The following XIRP2 variants were observed in gnomAD, a reference collection of about 807,000 sequenced individuals.
XIRP2 encodes xin actin binding repeat containing 2.
Under a neutral mutation model 277.0 loss-of-function variants are expected in XIRP2, and 236 were observed. That is an observed-to-expected ratio of 0.85 (90% confidence interval 0.77 to 0.95). XIRP2 has a LOEUF of 0.95. Among genes scored for constraint, XIRP2 ranks in the 40% least tolerant of loss-of-function variants. The pLI, the probability that XIRP2 is intolerant of heterozygous loss-of-function variation, is 0.00. For synonymous variants in XIRP2, 1,490 were observed against 1,416.5 expected (o/e 1.05, Z -1.17); for missense variants, 4,640 against 4,157.5 (o/e 1.12, Z -3.19).
chr2:166,913,301 A>G (rs951805980), intron 2 of XIRP2, among the ~76,000 whole-genome samples: 4 of 111,932 alleles, frequency 3.6e-5, no homozygotes, highest in Non-Finnish European at 7.6e-5. Context: ...AGCCTCAGCA[A>G]TGGTGGGCAC....
intron 3 of XIRP2, among the ~76,000 whole-genome samples, chr2:167,199,224 T>A (rs1693608286): frequency 6.6e-6 from 1 of 152,210 alleles, no homozygotes. Flanking sequence ...CAGATACCTC[T>A]AGTTCCTACA....
At chr2:167,105,505 T>C (rs976832893) in intron 2 of XIRP2, among the ~76,000 whole-genome samples, 18 of 151,940 alleles carry the variant, frequency 1.2e-4, no homozygotes, top group Admixed American at 9.8e-4. Flanking sequence ...TTTATTGCTG[T>C]ATAGTATTCC....
In XIRP2 at chr2:167,251,150, G is replaced by A. The variant is rs1376671365; in HGVS notation, c.9758G>A (p.Arg3253Lys). 9 of 1,613,454 alleles carry A rather than the reference G, an allele frequency of 5.6e-6. No individual in the cohort carries two copies. Among genetic ancestry groups the A allele is most frequent in the Non-Finnish European group, 6.8e-6 (8 of 1,179,728 alleles). Reference sequence around the variant, plus strand: ...AATCATGCTGCTAGTGGTTCCTTCAGAGAATCTGTGGACGCTCAAGAGGAA... The same window carrying A: ...AATCATGCTGCTAGTGGTTCCTTCAAAGAATCTGTGGACGCTCAAGAGGAA... ...NINHAASGSF[R>K]ESVDAQEEIR... The change falls in exon 9 of 11, where the codon AGA (arginine) becomes AAA (lysine). Residue 3253 changes from arginine to lysine, a missense_variant. Coordinates refer to ENST00000409195, the MANE Select transcript of XIRP2 (RefSeq NM_152381.6).
intron 2 of XIRP2, among the ~76,000 whole-genome samples, chr2:167,066,252 C>G (rs532218964): frequency 6.6e-6 from 1 of 152,012 alleles, no homozygotes; most frequent in East Asian, 1.9e-4. Flanking sequence ...CCTTGTTGCT[C>G]TCAACCACCA....
At position 167,168,321 on chromosome 2, in the gene XIRP2, A is replaced by AT. The variant is rs1176023307; in HGVS notation, c.562+32265dup. Among the ~76,000 whole-genome samples the AT allele has an allele frequency of 2.0e-5, 3 of 151,590 alleles. No homozygotes were observed. In the East Asian group the frequency reaches 5.8e-4, roughly 30 times the overall value. On this transcript the variant is annotated intron_variant, in intron 3 of 10. Transcript: ENST00000409195. Reference sequence around the variant, plus strand: ...ACTCTCAGTCATTATTATTTCAAATATTTTTTCTGTTTCTTTCTCTCTATC... The same window carrying AT: ...ACTCTCAGTCATTATTATTTCAAATATTTTTTTCTGTTTCTTTCTCTCTATC...
chr2:167,237,819 G>A (rs950790236), intron 5 of XIRP2, among the ~76,000 whole-genome samples: 2 of 152,142 alleles, frequency 1.3e-5, no homozygotes, highest in African/African-American at 4.8e-5. Context: ...GTGTGCATAA[G>A]AAAGCCATAG....
At chr2:166,911,306 G>T (rs1462844290) in intron 2 of XIRP2, among the ~76,000 whole-genome samples, 1 of 152,144 alleles carries the variant, frequency 6.6e-6, no homozygotes, top group Non-Finnish European at 1.5e-5. Flanking sequence ...CCTGTATTGG[G>T]TGCATATATA....
chr2:166,980,078 A>G (rs1462356918), intron 2 of XIRP2, among the ~76,000 whole-genome samples: 1 of 152,168 alleles, frequency 6.6e-6, no homozygotes, highest in Non-Finnish European at 1.5e-5. Context: ...AAGCTTGGCA[A>G]TTTGTGTCTT....
chr2:167,206,739 G>T (rs1693866309), intron 3 of XIRP2, among the ~76,000 whole-genome samples: 1 of 152,300 alleles, frequency 6.6e-6, no homozygotes, highest in Non-Finnish European at 1.5e-5. Context: ...TAGTATTAAT[G>T]TATCTCTCAT....
At chr2:167,056,578 C>T (rs531304766) in intron 2 of XIRP2, among the ~76,000 whole-genome samples, 1 of 152,252 alleles carries the variant, frequency 6.6e-6, no homozygotes, top group East Asian at 1.9e-4. Context: ...AGTCTCCACT[C>T]CTAATTACTC....
At chr2:167,200,290 G>C (rs1172133618) in intron 3 of XIRP2, among the ~76,000 whole-genome samples, 1 of 152,204 alleles carries the variant, frequency 6.6e-6, no homozygotes, top group East Asian at 1.9e-4. Context: ...GATCACCTGG[G>C]CTGGTCTAGG....
intron 3 of XIRP2, among the ~76,000 whole-genome samples, chr2:167,180,455 T>C (rs1005510894): frequency 6.6e-6 from 1 of 152,196 alleles, no homozygotes; most frequent in Middle Eastern, 3.2e-3. Context: ...ATTTCATTTT[T>C]ATATGTGCTC....
rs760620489 is a variant in XIRP2 at position 167,248,267 on chromosome 2, C to T, written c.6875C>T (p.Pro2292Leu). ...VKESECPLPP[P>L]SPPPPPPSNA... ...GAAAGTGAGTGCCCCCTTCCACCTC[C>T]ATCTCCACCTCCTCCACCACCTTCT... The change falls in exon 9 of 11, where the codon CCA (proline) becomes CTA (leucine). Residue 2292 changes from proline (P) to leucine (L), a missense_variant. By Grantham distance (98) the Pro-to-Leu change is moderately conservative. Coordinates refer to ENST00000409195, the MANE Select transcript of XIRP2 (RefSeq NM_152381.6). 14 of 1,611,874 alleles carry T rather than the reference C, an allele frequency of 8.7e-6. No individual in the cohort carries two copies. The highest frequency in any genetic ancestry group is 3.3e-4 in the Middle Eastern group (2 of 6,076).
At chr2:166,986,287 A>G (rs936991142) in intron 2 of XIRP2, among the ~76,000 whole-genome samples, 5 of 152,208 alleles carry the variant, frequency 3.3e-5, no homozygotes, top group South Asian at 2.1e-4. Context: ...AACTTCTTCA[A>G]TATAGAGTGA....
intron 2 of XIRP2, among the ~76,000 whole-genome samples, chr2:166,975,878 C>A (rs542327046): frequency 3.8e-5 from 5 of 130,208 alleles, no homozygotes; most frequent in Non-Finnish European, 6.1e-5. Context: ...TTGCAGTGAG[C>A]CGAGATCGTG....
In XIRP2 at chr2:167,142,462, G is replaced by C. The variant is rs376656684; in HGVS notation, c.562+6400G>C. ...ACTCGGGAGGCTGAGGCAGGAAAAT[G>C]GCTTGAACCCGGGAGGTGGAGGTTG... On this transcript the variant is annotated intron_variant, in intron 3 of 10. Coordinates refer to ENST00000409195, the MANE Select transcript of XIRP2 (RefSeq NM_152381.6). Among the ~76,000 whole-genome samples, 3 of 151,776 alleles carry C rather than the reference G, an allele frequency of 2.0e-5. No homozygotes were observed. The East Asian group carries it at 5.8e-4, about 29-fold the overall frequency.
chr2:167,024,813 C>T (rs1209992178), intron 2 of XIRP2, among the ~76,000 whole-genome samples: 1 of 152,152 alleles, frequency 6.6e-6, no homozygotes, highest in Non-Finnish European at 1.5e-5. Flanking sequence ...CCCACTTGAT[C>T]ATGGTGGATA....
chr2:167,241,870 A>G lies in XIRP2; in HGVS notation c.1136A>G (p.Tyr379Cys), dbSNP rs776099698. Residue 379 changes from tyrosine (Y) to cysteine (C), a missense_variant, in exon 8 of 11, where the codon TAT becomes TGT. By Grantham distance (194) the Tyr-to-Cys change is radical. Transcript: ENST00000409195. Reference protein sequence around the residue: ...FEKSAQEKILYSDKEMTTPAK... With the variant: ...FEKSAQEKILCSDKEMTTPAK... ...AAGTCTGCCCAGGAAAAGATCCTTTATTCTGACAAAGAGATGACAACCCCA... is the reference window on the plus strand; with the variant it reads ...AAGTCTGCCCAGGAAAAGATCCTTTGTTCTGACAAAGAGATGACAACCCCA... 3.7e-6 allele frequency: 6 copies of G among 1,613,586 alleles called. No homozygotes were observed. In the South Asian group the frequency reaches 5.5e-5, roughly 15 times the overall value.
At chr2:167,232,451 A>T (rs1183435021) in intron 5 of XIRP2, among the ~76,000 whole-genome samples, 1 of 150,842 alleles carries the variant, frequency 6.6e-6, no homozygotes, top group African/African-American at 2.4e-5. Flanking sequence ...AGAAAAAAAA[A>T]TGTACATATT....
Sources: allele counts gnomAD v4.1 joint callset (sites outside exome capture counted in the v4.1 genomes callset), GRCh38; gene constraint gnomAD v4.1.1; transcripts MANE v1.5; gene names NCBI Gene and HGNC (gene_info 2026-07-23, HGNC 2026-07-21).